The following FAM78A variants were observed in gnomAD, a reference collection of about 807,000 sequenced individuals.
FAM78A encodes the protein protein FAM78A.
In FAM78A, 12 loss-of-function variants were observed where a neutral mutation model predicts 22.6. The ratio of observed to expected loss-of-function variants is 0.53; its 90% CI spans 0.34 to 0.86. The LOEUF is 0.86. Ranked by LOEUF, FAM78A falls within the 40% of genes least tolerant of loss-of-function variation. FAM78A has a pLI of 0.02. For missense variants in FAM78A, 322 were observed against 396.1 expected, an observed-to-expected ratio of 0.81 and a Z score of 1.59; for synonymous variants, 151 against 155.8, an observed-to-expected ratio of 0.97 and a Z score of 0.23.
intron 1 of FAM78A, among the ~76,000 whole-genome samples, chr9:131,273,438 C>T (rs1564239371): frequency 6.6e-6 from 1 of 152,226 alleles, no homozygotes; most frequent in Non-Finnish European, 1.5e-5. Context: ...GGGTGGGACA[C>T]AGAGGCTCCC....
chr9:131,267,771 C>T (rs1022645097), intron 1 of FAM78A, among the ~76,000 whole-genome samples: 10 of 149,874 alleles, frequency 6.7e-5, no homozygotes, highest in East Asian at 2.0e-4. Flanking sequence ...CCAGGCCGGG[C>T]GCGGTGGCTC....
At chr9:131,270,071 T>C (rs1049499573) in intron 1 of FAM78A, among the ~76,000 whole-genome samples, 6 of 139,926 alleles carry the variant, frequency 4.3e-5, no homozygotes, top group Admixed American at 7.3e-5. Context: ...CCAGGTGTGG[T>C]GGCAGGCACC....
chr9:131,278,017 C>T (rs1323832240), upstream of FAM78A, among the ~76,000 whole-genome samples: 1 of 146,472 alleles, frequency 6.8e-6, no homozygotes, highest in Non-Finnish European at 1.5e-5. Context: ...GCCCGCTCGC[C>T]GGCCCCGCGG....
chr9:131,260,611 T>C lies in FAM78A; in HGVS notation c.*211A>G. 1 of 457,448 alleles carries C rather than the reference T, an allele frequency of 2.2e-6. No homozygotes were observed. Among genetic ancestry groups the C allele is most frequent in the Non-Finnish European group, 3.7e-6 (1 of 267,336 alleles). 28.3% of individuals were successfully genotyped at this position (457,448 alleles called of 1,614,324 possible). ...GGTCACCCTGAGGGCGCACGTGGGG[T>C]CTGTCTGTCCTGCTTAGATCTCCCC... On this transcript the variant is annotated 3_prime_UTR_variant, in exon 2 of 2. Coordinates refer to ENST00000372271, the MANE Select transcript of FAM78A (RefSeq NM_033387.4). This position sits in a 1 kb window ranked among gnomAD's most constrained non-coding sequence, Gnocchi z 5.4.
In FAM78A at chr9:131,261,335, G is replaced by A; in HGVS notation, c.339C>T (p.Leu113=). 6.3e-7 allele frequency: 1 copy of A among 1,590,236 alleles called. No individual in the cohort carries two copies. ...YGEQGMSSWE[L]PDLQEGKIQA... is the part of the protein sequence containing the mutation. Reference sequence around the variant, plus strand: ...GGATCTTGCCCTCCTGGAGGTCGGGGAGCTCCCAGCTGGACCTGAGGACAA... The same window carrying A: ...GGATCTTGCCCTCCTGGAGGTCGGGAAGCTCCCAGCTGGACCTGAGGACAA... Residue 113 remains leucine (L), a synonymous_variant, in exon 2 of 2, where the codon CTC becomes CTT. Transcript: ENST00000372271. This position sits in a 1 kb window ranked among gnomAD's most constrained non-coding sequence, Gnocchi z 7.1.
Position 131,261,173 on chromosome 9 carries a change from T to C in FAM78A, c.501A>G (p.Thr167=). 2.5e-6 allele frequency: 4 copies of C among 1,614,032 alleles called. No individual in the cohort carries two copies. Among genetic ancestry groups the C allele is most frequent in the Non-Finnish European group, 3.4e-6 (4 of 1,180,002 alleles). ...SMNDNFYPSV[T]WAVPVSESNV... ...TGCTCTCGCTGACGGGCACGGCCCA[T>C]GTGACGCTGGGGTAAAAGTTGTCAT... is the stretch of plus-strand genomic sequence containing the variant. The change falls in exon 2 of 2, where the codon ACA becomes ACG. Residue 167 remains threonine (T), a synonymous_variant. Coordinates refer to ENST00000372271, the MANE Select transcript of FAM78A (RefSeq NM_033387.4). This position sits in a 1 kb window ranked among gnomAD's most constrained non-coding sequence, Gnocchi z 7.1.
chr9:131,264,770 C>T (rs1835323149), intron 1 of FAM78A: 1 of 597,464 alleles, frequency 1.7e-6, no homozygotes, highest in Non-Finnish European at 3.0e-6. Context: ...GTCACTCAGG[C>T]TGGAGTGCAG....
chr9:131,263,239 C>CAAAAAA (rs35417885), intron 1 of FAM78A, among the ~76,000 whole-genome samples: 1 of 106,038 alleles, frequency 9.4e-6, no homozygotes. Flanking sequence ...GACTCCATCT[C>CAAAAAA]AAAAAAAAAA....
Position 131,261,289 on chromosome 9 carries a change from C to A in FAM78A, c.385G>T (p.Gly129Trp). The A allele has an allele frequency of 1.9e-6, 3 of 1,607,774 alleles. No individual in the cohort carries two copies. In the South Asian group the frequency reaches 3.3e-5, roughly 18 times the overall value. Residue 129 changes from glycine to tryptophan, a missense_variant, in exon 2 of 2, where the codon GGG becomes TGG. Gly to Trp is a radical substitution (Grantham distance 184). Coordinates refer to ENST00000372271, the MANE Select transcript of FAM78A (RefSeq NM_033387.4). This position sits in a 1 kb window ranked among gnomAD's most constrained non-coding sequence, Gnocchi z 7.1. The stretch of plus-strand genomic sequence containing the variant: ...TTGCCGTACCAGGGGTAGTTCACCC[C>A]ATCCGAGTCGCTGATGGCTTGGATC... ...GKIQAISDSD[G>W]VNYPWYGNTT... is the part of the protein sequence containing the mutation.
At position 131,275,460 on chromosome 9, in the gene FAM78A, C is replaced by T. The variant is rs2131197479; in HGVS notation, c.323+397G>A. On this transcript the variant is annotated intron_variant, in intron 1 of 1. Transcript: ENST00000372271. This position sits in a 1 kb window ranked among gnomAD's most constrained non-coding sequence, Gnocchi z 4.6. Reference sequence around the variant, plus strand: ...TGCCTGAATGTCTGCCATGGGCCCGCACAGGGCCAGAGGCCTGGAGGGCAG... The same window carrying T: ...TGCCTGAATGTCTGCCATGGGCCCGTACAGGGCCAGAGGCCTGGAGGGCAG... 6.6e-6 allele frequency among the ~76,000 whole-genome samples: 1 copy of T among 152,344 alleles called. No individual in the cohort carries two copies. The highest frequency in any genetic ancestry group is 1.9e-4 in the East Asian group (1 of 5,190).
chr9:131,265,637 C>T lies in FAM78A; in HGVS notation c.324-4287G>A, dbSNP rs562082443. 3.7e-4 allele frequency among the ~76,000 whole-genome samples: 56 copies of T among 152,312 alleles called. No homozygotes were observed. Among genetic ancestry groups the T allele is most frequent in the South Asian group, 2.1e-4 (1 of 4,826 alleles). ...CCTGACCTCAGGTGACTGCCCGCCT[C>T]GGCCTCCCAAAGTGCTGGGATTACA... On this transcript the variant is annotated intron_variant, in intron 1 of 1. Coordinates refer to ENST00000372271, the MANE Select transcript of FAM78A (RefSeq NM_033387.4). This position sits in a 1 kb window ranked among gnomAD's most constrained non-coding sequence, Gnocchi z 4.3.
In FAM78A at chr9:131,261,030, A is replaced by C. The variant is rs1408244787; in HGVS notation, c.644T>G (p.Leu215Arg). The change falls in exon 2 of 2, where the codon CTC (leucine) becomes CGC (arginine). Residue 215 changes from leucine (L) to arginine (R), a missense_variant. By Grantham distance (102) the Leu-to-Arg change is moderately radical. Transcript: ENST00000372271. This position sits in a 1 kb window ranked among gnomAD's most constrained non-coding sequence, Gnocchi z 7.1. The stretch of plus-strand genomic sequence containing the variant: ...CCGGTTGGGGTTCACCTCGATGCTG[A>C]GCTGCATGCGCCAGTGCAGCGTCTG... Reference protein sequence around the residue: ...ILQTLHWRMQLSIEVNPNRPL... With the variant: ...ILQTLHWRMQRSIEVNPNRPL... 1.2e-6 allele frequency: 2 copies of C among 1,613,922 alleles called. No homozygotes were observed. Among genetic ancestry groups the C allele is most frequent in the Non-Finnish European group, 8.5e-7 (1 of 1,180,004 alleles).
At chr9:131,264,462 C>G in intron 1 of FAM78A, 1 of 646,222 alleles carries the variant, frequency 1.5e-6, no homozygotes, top group Non-Finnish European at 2.9e-6. Context: ...TCAGCCCCAG[C>G]TACTCGCACT....
chr9:131,261,422 A>G lies in FAM78A; in HGVS notation c.324-72T>C. ...GCTTTCTGTGTCCCCCTGGCAGGCC[A>G]GGGGCTGTCCTGGGCCCTGAGGATG... On this transcript the variant is annotated intron_variant, in intron 1 of 1. Transcript: ENST00000372271. The surrounding 1 kb of genome is among the most constrained non-coding windows in gnomAD (Gnocchi z 7.1). 7.0e-7 allele frequency: 1 copy of G among 1,429,998 alleles called. No homozygotes were observed. Among genetic ancestry groups the G allele is most frequent in the Non-Finnish European group, 9.2e-7 (1 of 1,085,388 alleles). The allele number at this position is 1,429,998 out of a possible 1,614,324, so 88.6% of individuals were successfully genotyped here. A position where few individuals can be genotyped will look rare whatever the true frequency, so the allele number is the denominator to read the frequency against.
chr9:131,280,800 C>A (rs576823041), upstream of FAM78A, among the ~76,000 whole-genome samples: 8 of 152,320 alleles, frequency 5.3e-5, no homozygotes, highest in East Asian at 1.4e-3. Flanking sequence ...CAGGCATCAC[C>A]GTGAGCTGGG....
intron 1 of FAM78A, chr9:131,270,212 C>T (rs1185965905): frequency 2.8e-6 from 2 of 709,144 alleles, no homozygotes; most frequent in African/African-American, 1.8e-5. Flanking sequence ...ATCTCAAAAA[C>T]AAGTACAACC....
In FAM78A at chr9:131,261,214, A is replaced by C. The variant is rs1045458671; in HGVS notation, c.460T>G (p.Phe154Val). 2 of 1,613,016 alleles carry C rather than the reference A, an allele frequency of 1.2e-6. No homozygotes were observed. The highest frequency in any genetic ancestry group is 8.5e-7 in the Non-Finnish European group (1 of 1,179,884). Reference sequence around the variant, plus strand: ...AAGTTGTCATTCATGCTGATGATGAACTTGGAGTCCCTCTTGGTGGGGCCC... The same window carrying C: ...AAGTTGTCATTCATGCTGATGATGACCTTGGAGTCCCTCTTGGTGGGGCCC... ...IVGPTKRDSKFIISMNDNFYP... is the reference protein window; with the variant it reads ...IVGPTKRDSKVIISMNDNFYP... Residue 154 changes from phenylalanine to valine, a missense_variant, in exon 2 of 2, where the codon TTC becomes GTC. By Grantham distance (50) the Phe-to-Val change is conservative (BLOSUM62 -1). Transcript: ENST00000372271. The surrounding 1 kb of genome is among the most constrained non-coding windows in gnomAD (Gnocchi z 7.1).
At position 131,275,893 on chromosome 9, in the gene FAM78A, T is replaced by C. The variant is rs748856582; in HGVS notation, c.287A>G (p.His96Arg). 9.3e-6 allele frequency: 15 copies of C among 1,609,694 alleles called. No individual in the cohort carries two copies. The South Asian group carries it at 1.5e-4, about 17-fold the overall frequency. The change falls in exon 1 of 2, where the codon CAC becomes CGC. Residue 96 changes from histidine (H) to arginine (R), a missense_variant. Coordinates refer to ENST00000372271, the MANE Select transcript of FAM78A (RefSeq NM_033387.4). This position sits in a 1 kb window ranked among gnomAD's most constrained non-coding sequence, Gnocchi z 4.6. Reference protein sequence around the residue: ...WVVGWIQACSHMEFYNQYGEQ... With the variant: ...WVVGWIQACSRMEFYNQYGEQ... ...GCCGTACTGGTTGTAGAACTCCATG[T>C]GGCTGCACGCCTGGATCCAGCCAAC...
intron 1 of FAM78A, among the ~76,000 whole-genome samples, chr9:131,268,709 G>A (rs1342200547): frequency 6.6e-6 from 1 of 151,954 alleles, no homozygotes; most frequent in Admixed American, 6.6e-5. Context: ...GACAGAGACG[G>A]GTGAAACCCC....
Sources: gnomAD v4.1 joint callset for allele counts (sites outside exome capture counted in the v4.1 genomes callset) on GRCh38, gnomAD v4.1.1 for gene constraint, Gnocchi (gnomAD v3.1) non-coding constraint, MANE v1.5 for transcripts, NCBI Gene and HGNC (gene_info 2026-07-23, HGNC 2026-07-21) for gene names.